APAF1: variants seen among roughly 807,000 people sequenced by gnomAD.
APAF1 encodes the protein apoptotic protease-activating factor 1.
In APAF1, 91 loss-of-function variants were observed where a neutral mutation model predicts 152.4. The observed-to-expected ratio is 0.60, with a 90% CI of 0.50 to 0.71. APAF1 has a LOEUF of 0.71. Among genes scored for constraint, APAF1 ranks in the 30% least tolerant of loss-of-function variants. The probability of loss-of-function intolerance (pLI) is 0.00; values close to 1 mark genes in which losing one functional copy is unlikely to be tolerated. For missense variants in APAF1, 1,283 were observed against 1,472.0 expected (o/e 0.87, Z 2.10); for synonymous variants, 484 against 494.1 (o/e 0.98, Z 0.27).
chr12:98,662,907 C>A, intron 7 of APAF1, 101 bp downstream of exon 7: 1 of 1,141,614 alleles, frequency 8.8e-7, no homozygotes, highest in Non-Finnish European at 1.3e-6. Context: ...CATGAACATC[C>A]AAAAACTTTT....
chr12:98,705,789 C>T (rs756638702), intron 18 of APAF1, among the ~76,000 whole-genome samples: 26 of 152,098 alleles, frequency 1.7e-4, no homozygotes, highest in Non-Finnish European at 3.1e-4. Context: ...GGTTAGATGA[C>T]AGTATTAGTG....
rs371038672 is a variant in APAF1 at position 98,689,046 on chromosome 12, C to T, written c.2304+2173C>T. On this transcript the variant is annotated intron_variant, in intron 16 of 26. Coordinates refer to ENST00000551964, the MANE Select transcript of APAF1 (RefSeq NM_181861.2). ...CCCAGGCTGGTCTGAAACTCCTGGG[C>T]TCGAGTAGTCTGCCTGCCTTGGCCT... Among the ~76,000 whole-genome samples, 6 of 152,072 alleles carry T rather than the reference C, an allele frequency of 3.9e-5. No individual in the cohort carries two copies. The South Asian group carries it at 6.2e-4, about 16-fold the overall frequency.
At chr12:98,703,233 T>C in intron 17 of APAF1, 138 bp from the exon 18 acceptor site, 1 of 893,876 alleles carries the variant, frequency 1.1e-6, no homozygotes, top group Non-Finnish European at 1.8e-6. Context: ...ATATTTTGTT[T>C]ATGACTGTCA....
In APAF1 at chr12:98,701,406, G is replaced by T. The variant is rs79349771; in HGVS notation, c.2466+1837G>T. On this transcript the variant is annotated intron_variant, in intron 17 of 26. Coordinates refer to ENST00000551964, the MANE Select transcript of APAF1 (RefSeq NM_181861.2). ...CATATGGTAATTCTTTATTTATTTA[G>T]TTTTCTGAGGAACCACTAGATTTTT... 8.3e-3 allele frequency among the ~76,000 whole-genome samples: 1,264 copies of T among 152,178 alleles called. 14 individuals are homozygous for T. Among genetic ancestry groups the T allele is most frequent in the African/African-American group, 0.029 (1,211 of 41,536 alleles).
At position 98,735,326 on chromosome 12, in the gene APAF1, G is replaced by A; in HGVS notation, c.*2760G>A. 1 of 405,548 alleles carries A rather than the reference G, an allele frequency of 2.5e-6. No homozygotes were observed. Among genetic ancestry groups the A allele is most frequent in the Non-Finnish European group, 4.3e-6 (1 of 229,996 alleles). The allele number at this position is 405,548 out of a possible 1,614,324, so 25.1% of individuals were successfully genotyped here. On this transcript the variant is annotated 3_prime_UTR_variant, in exon 27 of 27. Transcript: ENST00000551964. Reference sequence around the variant, plus strand: ...GTCTCTTGTATGTTTTGAAACTCTTGTATTTATGATATAGCTTATATGATT... The same window carrying A: ...GTCTCTTGTATGTTTTGAAACTCTTATATTTATGATATAGCTTATATGATT...
intron 26 of APAF1, 97 bp from the exon 27 acceptor site, chr12:98,732,323 T>C (rs568159183): frequency 1.9e-5 from 20 of 1,079,216 alleles, no homozygotes; most frequent in East Asian, 4.8e-5. Flanking sequence ...TTGAGTTCGG[T>C]TGGGGGGAGG....
intron 17 of APAF1, among the ~76,000 whole-genome samples, chr12:98,701,703 C>T (rs2097715547): frequency 6.6e-6 from 1 of 152,204 alleles, no homozygotes; most frequent in Non-Finnish European, 1.5e-5. Context: ...AAAATCTGTA[C>T]AGCAGTTCCC....
chr12:98,728,554 T>C (rs2097754719), intron 26 of APAF1, among the ~76,000 whole-genome samples: 1 of 127,070 alleles, frequency 7.9e-6, no homozygotes, highest in African/African-American at 3.3e-5. Context: ...ACGCCATCTC[T>C]GCTAAAAAAT....
At chr12:98,698,552 TAG>T (rs1022805274) in intron 16 of APAF1, among the ~76,000 whole-genome samples, 2 of 152,268 alleles carry the variant, frequency 1.3e-5, no homozygotes, top group African/African-American at 4.8e-5. Flanking sequence ...CCATGTTTCT[TAG>T]TATATATAAT....
chr12:98,721,568 T>G (rs1222018239), intron 22 of APAF1, among the ~76,000 whole-genome samples: 2 of 152,190 alleles, frequency 1.3e-5, no homozygotes, highest in Non-Finnish European at 2.9e-5. Flanking sequence ...ATGCCTCCAT[T>G]TCTTCCCCTT....
chr12:98,656,293 A>T (rs12369297), intron 4 of APAF1, among the ~76,000 whole-genome samples: 59,729 of 152,056 alleles, frequency 0.39, 12,515 homozygotes, highest in African/African-American at 0.56. Flanking sequence ...ATTCTCTGCA[A>T]TTATAAATAT....
At chr12:98,727,106 A>G (rs925070536) in intron 25 of APAF1, 67 bp from the exon 26 acceptor site, 129 of 1,433,702 alleles carry the variant, frequency 9.0e-5, no homozygotes, top group Admixed American at 2.5e-4. Flanking sequence ...ATGGACATAT[A>G]TATGTTTTAA....
At chr12:98,696,218 A>G (rs1413647883) in intron 16 of APAF1, among the ~76,000 whole-genome samples, 1 of 152,162 alleles carries the variant, frequency 6.6e-6, no homozygotes, top group African/African-American at 2.4e-5. Context: ...AGGATTGGGA[A>G]GCTACACCTG....
intron 11 of APAF1, 96 bp from the exon 12 acceptor site, chr12:98,671,439 T>C (rs957316574): frequency 6.6e-6 from 8 of 1,207,834 alleles, no homozygotes; most frequent in Admixed American, 1.7e-5. Flanking sequence ...TAAAGAATAT[T>C]TCATTTAAGC....
intron 1 of APAF1, among the ~76,000 whole-genome samples, chr12:98,647,555 A>G (rs1455654959): frequency 1.3e-5 from 2 of 151,978 alleles, no homozygotes; most frequent in Non-Finnish European, 2.9e-5. Context: ...TATTTTTAGT[A>G]GAGACAGGGT....
At chr12:98,722,391 A>G (rs1197449786) in intron 22 of APAF1, among the ~76,000 whole-genome samples, 2 of 152,112 alleles carry the variant, frequency 1.3e-5, no homozygotes, top group African/African-American at 4.8e-5. Context: ...TCCTTGTTTG[A>G]TTCCTATTTG....
At chr12:98,694,244 C>T (rs556146460) in intron 16 of APAF1, among the ~76,000 whole-genome samples, 1 of 152,310 alleles carries the variant, frequency 6.6e-6, no homozygotes, top group South Asian at 2.1e-4. Context: ...TCCTCAAAAG[C>T]AATTGCTACA....
chr12:98,685,376 G>T (rs1214983643), intron 15 of APAF1, among the ~76,000 whole-genome samples: 1 of 145,752 alleles, frequency 6.9e-6, no homozygotes, highest in African/African-American at 2.6e-5. Flanking sequence ...TTGCTCTGTC[G>T]CCAGGCTGGA....
At chr12:98,674,485 T>G (rs766871252) in intron 12 of APAF1, among the ~76,000 whole-genome samples, 4 of 152,174 alleles carry the variant, frequency 2.6e-5, no homozygotes, top group Non-Finnish European at 5.9e-5. Context: ...CCTAACTTAC[T>G]GAAGCTAGAT....
Sources: gnomAD v4.1 joint callset for allele counts (sites outside exome capture counted in the v4.1 genomes callset) on GRCh38, gnomAD v4.1.1 for gene constraint, MANE v1.5 for transcripts, NCBI Gene and HGNC (gene_info 2026-07-23, HGNC 2026-07-21) for gene names.